The following ZSCAN5A variants were observed in gnomAD, a reference collection of about 807,000 sequenced individuals.
The protein encoded by ZSCAN5A is zinc finger and SCAN domain containing 5A, also known as zinc finger and SCAN domain-containing protein 5A.
In ZSCAN5A, 12 loss-of-function variants were observed where a neutral mutation model predicts 23.7. The observed-to-expected ratio is 0.51, with a 90% CI of 0.32 to 0.82. The LOEUF (loss-of-function observed/expected upper bound fraction) is 0.82. Ranked by LOEUF, ZSCAN5A falls within the 40% of genes least tolerant of loss-of-function variation. The pLI, the probability that ZSCAN5A is intolerant of heterozygous loss-of-function variation, is 0.03. For missense variants in ZSCAN5A, 597 were observed against 617.9 expected (o/e 0.97, Z 0.36); for synonymous variants, 257 against 239.9 (o/e 1.07, Z -0.66).
intron 2 of ZSCAN5A, among the ~76,000 whole-genome samples, chr19:56,243,859 T>A (rs991236013): frequency 1.3e-5 from 2 of 151,772 alleles, no homozygotes; most frequent in African/African-American, 4.8e-5. Context: ...TGGATGAGGG[T>A]TTTGGAAGGG....
At chr19:56,366,736 G>A (rs1489925909) in intron 1 of ZSCAN5A, among the ~76,000 whole-genome samples, 2 of 152,174 alleles carry the variant, frequency 1.3e-5, no homozygotes, top group Admixed American at 1.3e-4. Context: ...CATGTGATCT[G>A]GCAATGCCCA....
intron 2 of ZSCAN5A, chr19:56,274,836 C>T (rs2038131447): frequency 6.6e-6 from 1 of 151,962 alleles, no homozygotes; most frequent in South Asian, 2.1e-4. Context: ...TTTTGTTATC[C>T]CATCTCCTTT....
chr19:56,345,780 C>T (rs1191707853), intron 2 of ZSCAN5A, among the ~76,000 whole-genome samples: 2 of 152,062 alleles, frequency 1.3e-5, no homozygotes, highest in African/African-American at 2.4e-5. Context: ...TTTTACAGTG[C>T]ACTTAGAAAA....
chr19:56,244,323 T>G (rs2035683075), intron 2 of ZSCAN5A: 1 of 1,607,446 alleles, frequency 6.2e-7, no homozygotes, highest in Non-Finnish European at 8.5e-7. Flanking sequence ...CAGTTCATGA[T>G]CTCCATGCCC....
rs1300431621 is a variant in ZSCAN5A, at chr19:56,302,563, CCTTCCTTT to C, written c.-128+10712_-128+10719del. On this transcript the variant is annotated intron_variant, in intron 2 of 5. Coordinates refer to ENST00000683990, the MANE Select transcript of ZSCAN5A (RefSeq NM_001322064.3). ...CCTCCCCGTTCCTCCCTCCCTCCCC[CCTTCCTTT>C]TCTTCCTCCCCCTTTTCTTCCTCTC... is the stretch of plus-strand genomic sequence containing the variant. Among the ~76,000 whole-genome samples, 21 of 92,966 alleles carry C rather than the reference CCTTCCTTT, an allele frequency of 2.3e-4. No individual in the cohort carries two copies. The East Asian group carries it at 4.0e-3, about 18-fold the overall frequency. 61.0% of individuals were successfully genotyped at this position (92,966 alleles called of 152,430 possible).
chr19:56,337,059 G>C (rs1036549003), intron 2 of ZSCAN5A, among the ~76,000 whole-genome samples: 39 of 152,210 alleles, frequency 2.6e-4, no homozygotes, highest in Non-Finnish European at 2.6e-4. Context: ...CAGTCTGCCT[G>C]TTCTCAGATC....
intron 2 of ZSCAN5A, among the ~76,000 whole-genome samples, chr19:56,226,641 G>C (rs1474093099): frequency 6.6e-6 from 1 of 152,174 alleles, no homozygotes; most frequent in Non-Finnish European, 1.5e-5. Flanking sequence ...AGCCGATATG[G>C]GAGACAGTAT....
At chr19:56,357,738 G>A (rs2041707956) in intron 2 of ZSCAN5A, among the ~76,000 whole-genome samples, 1 of 147,784 alleles carries the variant, frequency 6.8e-6, no homozygotes, top group African/African-American at 2.6e-5. Context: ...GCATCATGAT[G>A]ACAGGATCAA....
At chr19:56,228,080 G>A (rs1016616968) in intron 2 of ZSCAN5A, among the ~76,000 whole-genome samples, 6 of 152,158 alleles carry the variant, frequency 3.9e-5, no homozygotes, top group African/African-American at 1.4e-4. Flanking sequence ...ATTATTCCTA[G>A]TTTACAGAAG....
chr19:56,345,391 A>G, intron 2 of ZSCAN5A, among the ~76,000 whole-genome samples: 1 of 152,218 alleles, frequency 6.6e-6, no homozygotes. Flanking sequence ...CATCTTCACC[A>G]ATTCACAAAA....
intron 2 of ZSCAN5A, among the ~76,000 whole-genome samples, chr19:56,341,717 A>C (rs1045816697): frequency 4.0e-5 from 6 of 150,872 alleles, no homozygotes; most frequent in African/African-American, 7.3e-5. Flanking sequence ...AAAAAAAAAA[A>C]AAAAAAAAAA....
chr19:56,255,686 C>T (rs111591993), intron 2 of ZSCAN5A, among the ~76,000 whole-genome samples: 1,991 of 151,460 alleles, frequency 0.013, 58 homozygotes, highest in African/African-American at 0.044. Context: ...ATCATAATTA[C>T]ACAGCCTACC....
At chr19:56,264,256 A>G (rs892052584) in intron 2 of ZSCAN5A, among the ~76,000 whole-genome samples, 2 of 152,136 alleles carry the variant, frequency 1.3e-5, no homozygotes, top group African/African-American at 4.8e-5. Flanking sequence ...TCAACCTGCC[A>G]GTGTTGGGAT....
At chr19:56,324,069 A>G (rs2041409996) in intron 2 of ZSCAN5A, among the ~76,000 whole-genome samples, 1 of 152,164 alleles carries the variant, frequency 6.6e-6, no homozygotes. Context: ...ACTGAACAGT[A>G]GATCTTATTC....
chr19:56,265,110 A>G (rs769420454), intron 2 of ZSCAN5A, among the ~76,000 whole-genome samples: 11 of 152,234 alleles, frequency 7.2e-5, no homozygotes, highest in Non-Finnish European at 1.2e-4. Flanking sequence ...TGACAGAGTG[A>G]GACTCCATCT....
At position 56,352,164 on chromosome 19, in the gene ZSCAN5A, C is replaced by T. The variant is rs935149020; in HGVS notation, c.-358+11071G>A. On this transcript the variant is annotated intron_variant, in intron 2 of 6. Coordinates refer to the ZSCAN5A transcript ENST00000587340. This position sits in a 1 kb window ranked among gnomAD's most constrained non-coding sequence, Gnocchi z 4.2. ...TCACCCAGGCTGGAGTGCAGTGGCACGATCTCAGCTCACTGCAAGCTCCGC... is the reference window on the plus strand; with the variant it reads ...TCACCCAGGCTGGAGTGCAGTGGCATGATCTCAGCTCACTGCAAGCTCCGC... 3.9e-5 allele frequency among the ~76,000 whole-genome samples: 6 copies of T among 152,054 alleles called. No individual in the cohort carries two copies. Among genetic ancestry groups the T allele is most frequent in the African/African-American group, 9.7e-5 (4 of 41,386 alleles).
At chr19:56,285,495 T>A (rs1024901546) in intron 2 of ZSCAN5A, among the ~76,000 whole-genome samples, 1 of 152,260 alleles carries the variant, frequency 6.6e-6, no homozygotes, top group Non-Finnish European at 1.5e-5. Flanking sequence ...GCTTCGTGTG[T>A]ACTCCCATAA....
upstream of ZSCAN5A, among the ~76,000 whole-genome samples, chr19:56,319,039 A>G (rs143840230): frequency 2.6e-5 from 4 of 152,312 alleles, no homozygotes; most frequent in East Asian, 7.7e-4. Context: ...ATAAAAGGCA[A>G]TCCCTGCATA....
At chr19:56,234,191 T>C (rs1004120850) in intron 2 of ZSCAN5A, among the ~76,000 whole-genome samples, 9 of 152,164 alleles carry the variant, frequency 5.9e-5, no homozygotes, top group Admixed American at 3.9e-4. Flanking sequence ...ACAAGAAGCA[T>C]GTTCCCATTT....
Sources: gnomAD v4.1 joint callset for allele counts (sites outside exome capture counted in the v4.1 genomes callset) on GRCh38, gnomAD v4.1.1 for gene constraint, Gnocchi (gnomAD v3.1) non-coding constraint, MANE v1.5 for transcripts, NCBI Gene and HGNC (gene_info 2026-07-23, HGNC 2026-07-21) for gene names.